The following METTL15 variants were observed in gnomAD, a reference collection of about 807,000 sequenced individuals.
The protein encoded by METTL15 is methyltransferase 15, mitochondrial 12S rRNA N4-cytidine, also known as 12S rRNA N(4)-cytidine methyltransferase METTL15.
Under a neutral mutation model 38.3 loss-of-function variants are expected in METTL15, and 34 were observed. The ratio of observed to expected loss-of-function variants is 0.89; its 90% CI spans 0.68 to 1.18. The LOEUF (loss-of-function observed/expected upper bound fraction) is 1.18, where lower values mean the gene tolerates loss of function less well. Ranked by LOEUF, METTL15 falls within the 50% of genes most tolerant of loss-of-function variation. The pLI is 0.00. For synonymous variants in METTL15, 162 were observed against 170.9 expected (o/e 0.95, Z 0.41); for missense variants, 438 against 498.4 (o/e 0.88, Z 1.15).
intron 6 of METTL15, among the ~76,000 whole-genome samples, chr11:28,425,609 A>G (rs547646689): frequency 6.6e-6 from 1 of 152,258 alleles, no homozygotes; most frequent in South Asian, 2.1e-4. Context: ...CCTCACCTTC[A>G]GGGAATATTT....
At chr11:28,211,868 C>T (rs1399965005) in intron 4 of METTL15, among the ~76,000 whole-genome samples, 1 of 151,828 alleles carries the variant, frequency 6.6e-6, no homozygotes, top group South Asian at 2.1e-4. Flanking sequence ...GGGCTGTTTT[C>T]AGGAATGGGA....
intron 5 of METTL15, among the ~76,000 whole-genome samples, chr11:28,406,963 T>C (rs950686072): frequency 9.8e-5 from 15 of 152,320 alleles, no homozygotes; most frequent in African/African-American, 3.6e-4. Flanking sequence ...TTGTCTTTAG[T>C]TCTGTTTATG....
rs148012433 is a variant in METTL15 at position 28,249,025 on chromosome 11, C to T, written c.407+37827C>T. 1.7e-3 allele frequency among the ~76,000 whole-genome samples: 252 copies of T among 151,996 alleles called. 1 individual carries two copies. Among genetic ancestry groups the T allele is most frequent in the African/African-American group, 5.9e-3 (244 of 41,488 alleles). Reference sequence around the variant, plus strand: ...AACTCACCATTCTGTGAAGCTATCTCCTACCAGAAAAGGGACCATCCTTTC... The same window carrying T: ...AACTCACCATTCTGTGAAGCTATCTTCTACCAGAAAAGGGACCATCCTTTC... On this transcript the variant is annotated intron_variant, in intron 4 of 6. Transcript: ENST00000407364.
intron 4 of METTL15, among the ~76,000 whole-genome samples, chr11:28,255,479 C>A (rs1040650271): frequency 6.6e-6 from 1 of 152,090 alleles, no homozygotes; most frequent in Non-Finnish European, 1.5e-5. Flanking sequence ...ACTTCCAGTA[C>A]TGTGTTTAAT....
chr11:28,458,459 G>C (rs1851188317), intron 6 of METTL15, among the ~76,000 whole-genome samples: 1 of 152,272 alleles, frequency 6.6e-6, no homozygotes, highest in Admixed American at 6.5e-5. Context: ...GCTTAGGAAA[G>C]ATTTGAACCT....
intron 6 of METTL15, among the ~76,000 whole-genome samples, chr11:28,444,643 T>G (rs747178811): frequency 6.6e-6 from 1 of 152,178 alleles, no homozygotes; most frequent in Non-Finnish European, 1.5e-5. Context: ...CATGTTTTCA[T>G]CTATGAAATA....
intron 3 of METTL15, among the ~76,000 whole-genome samples, chr11:28,199,355 A>T (rs987002164): frequency 6.6e-6 from 1 of 152,094 alleles, no homozygotes; most frequent in Admixed American, 6.6e-5. Flanking sequence ...ATATTTGTAG[A>T]TTCTCTTCAA....
chr11:28,324,348 T>G (rs1849564842), intron 6 of METTL15, among the ~76,000 whole-genome samples: 1 of 152,238 alleles, frequency 6.6e-6, no homozygotes, highest in South Asian at 2.1e-4. Flanking sequence ...TGTCTCATTT[T>G]TTTCTGCAAA....
At chr11:28,368,774 C>T (rs748357031) in intron 5 of METTL15, among the ~76,000 whole-genome samples, 10 of 152,066 alleles carry the variant, frequency 6.6e-5, no homozygotes, top group Non-Finnish European at 1.3e-4. Context: ...CAATAATAGA[C>T]TGGATAAAGA....
At chr11:28,502,100 C>CAA (rs371738355) in intron 6 of METTL15, among the ~76,000 whole-genome samples, 2,121 of 120,930 alleles carry the variant, frequency 0.018, 34 homozygotes, top group African/African-American at 0.03. Flanking sequence ...GACTCTGTCT[C>CAA]AAAAAAAAAA....
chr11:28,507,950 A>G (rs186894725), intron 6 of METTL15, among the ~76,000 whole-genome samples: 96 of 152,264 alleles, frequency 6.3e-4, no homozygotes, highest in Non-Finnish European at 1.1e-3. Flanking sequence ...CACCCAACTT[A>G]TCATCTCAAA....
chr11:28,403,995 A>C (rs1351342812), intron 5 of METTL15, among the ~76,000 whole-genome samples: 1 of 152,044 alleles, frequency 6.6e-6, no homozygotes, highest in Non-Finnish European at 1.5e-5. Context: ...GCAATAACTT[A>C]GACCACTGTG....
chr11:28,365,379 A>G (rs1488794307), intron 5 of METTL15, among the ~76,000 whole-genome samples: 2 of 151,942 alleles, frequency 1.3e-5, no homozygotes, highest in East Asian at 1.9e-4. Context: ...TCACGTTTTC[A>G]GTTTCTTCCT....
chr11:28,122,800 G>A (rs1193313665), intron 3 of METTL15, among the ~76,000 whole-genome samples: 3 of 151,614 alleles, frequency 2.0e-5, no homozygotes, highest in Non-Finnish European at 2.9e-5. Context: ...AAATAATTAA[G>A]ACCAACAACT....
intron 4 of METTL15, among the ~76,000 whole-genome samples, chr11:28,229,304 A>G (rs1193166151): frequency 6.6e-6 from 1 of 151,828 alleles, no homozygotes; most frequent in Non-Finnish European, 1.5e-5. Flanking sequence ...TGGTTCCTTA[A>G]TATGCACAGA....
intron 6 of METTL15, among the ~76,000 whole-genome samples, chr11:28,511,725 T>C (rs943196075): frequency 1.3e-5 from 2 of 152,182 alleles, no homozygotes; most frequent in Non-Finnish European, 2.9e-5. Flanking sequence ...CGGTGAGTGT[T>C]ACAGCTCATA....
chr11:28,464,725 T>C (rs1054267544), intron 6 of METTL15, among the ~76,000 whole-genome samples: 1 of 152,202 alleles, frequency 6.6e-6, no homozygotes, highest in Non-Finnish European at 1.5e-5. Flanking sequence ...TTCTGCTCCT[T>C]CTTTGGGGAT....
chr11:28,276,507 A>G (rs1466102849), intron 4 of METTL15, among the ~76,000 whole-genome samples: 1 of 152,194 alleles, frequency 6.6e-6, no homozygotes, highest in East Asian at 1.9e-4. Flanking sequence ...TACAGTGACC[A>G]TATTGCCCAA....
chr11:28,452,373 T>C (rs1410487599), intron 6 of METTL15, among the ~76,000 whole-genome samples: 1 of 152,252 alleles, frequency 6.6e-6, no homozygotes, highest in African/African-American at 2.4e-5. Context: ...CATTCCTTCA[T>C]TCTGTAAAAT....
Sources: gnomAD v4.1 joint callset for allele counts (sites outside exome capture counted in the v4.1 genomes callset) on GRCh38, gnomAD v4.1.1 for gene constraint, MANE v1.5 for transcripts, NCBI Gene and HGNC (gene_info 2026-07-23, HGNC 2026-07-21) for gene names.